The following CTNNA3 variants were observed in gnomAD, a reference collection of about 807,000 sequenced individuals.
The protein encoded by CTNNA3 is catenin alpha 3.
Under a neutral mutation model 95.7 loss-of-function variants are expected in CTNNA3, and 76 were observed. The ratio of observed to expected loss-of-function variants is 0.79; its 90% CI spans 0.66 to 0.96. The LOEUF (loss-of-function observed/expected upper bound fraction) is 0.96, where lower values mean the gene tolerates loss of function less well. Ranked by LOEUF, CTNNA3 falls within the 40% of genes least tolerant of loss-of-function variation. CTNNA3 has a pLI of 0.00. For synonymous variants in CTNNA3, 431 were observed against 374.4 expected (o/e 1.15, Z -1.74); for missense variants, 1,191 against 1,089.8 (o/e 1.09, Z -1.31).
chr10:66,843,903 G>A (rs766365165), intron 7 of CTNNA3, among the ~76,000 whole-genome samples: 2 of 152,094 alleles, frequency 1.3e-5, no homozygotes, highest in Non-Finnish European at 2.9e-5. Flanking sequence ...ATTCACTAAC[G>A]GAAGATGAAG....
chr10:67,580,032 C>T (rs997042412), intron 3 of CTNNA3, among the ~76,000 whole-genome samples: 21 of 152,158 alleles, frequency 1.4e-4, no homozygotes, highest in East Asian at 1.2e-3. Context: ...GTAGTTTCTT[C>T]TGCTGTGCGG....
intron 5 of CTNNA3, among the ~76,000 whole-genome samples, chr10:67,360,416 G>GAAAAAA (rs74859730): frequency 4.0e-5 from 4 of 99,294 alleles, no homozygotes; most frequent in Non-Finnish European, 4.2e-5. Flanking sequence ...GAGCAAGCAG[G>GAAAAAA]AAAAAAAAAA....
chr10:66,050,414 A>T (rs192833070), intron 15 of CTNNA3, among the ~76,000 whole-genome samples: 14 of 145,380 alleles, frequency 9.6e-5, no homozygotes, highest in Admixed American at 2.8e-4. Context: ...AATACTTGAC[A>T]TCCTCATGCA....
intron 7 of CTNNA3, among the ~76,000 whole-genome samples, chr10:66,813,269 T>G (rs1841950895): frequency 2.6e-5 from 4 of 152,210 alleles, no homozygotes; most frequent in Admixed American, 2.6e-4. Context: ...TTTTATCCTG[T>G]CAGCTGCGTC....
intron 7 of CTNNA3, among the ~76,000 whole-genome samples, chr10:66,883,556 C>T (rs1031494152): frequency 1.3e-5 from 2 of 152,116 alleles, no homozygotes; most frequent in Non-Finnish European, 2.9e-5. Context: ...ACATGTATGA[C>T]CTCTGCTCTG....
chr10:67,515,425 AACAACT>A (rs754661203), intron 5 of CTNNA3, among the ~76,000 whole-genome samples: 138 of 152,336 alleles, frequency 9.1e-4, no homozygotes, highest in Non-Finnish European at 1.8e-3. Flanking sequence ...CTTTGGGACA[AACAACT>A]ATGTACAATT....
chr10:67,036,540 TA>T (rs1182115216), intron 7 of CTNNA3, among the ~76,000 whole-genome samples: 1 of 151,996 alleles, frequency 6.6e-6, no homozygotes, highest in Non-Finnish European at 1.5e-5. Flanking sequence ...GGCAGCTTTT[TA>T]AAAAAATTTT....
At chr10:66,646,858 T>C (rs1845724077) in intron 9 of CTNNA3, among the ~76,000 whole-genome samples, 1 of 152,110 alleles carries the variant, frequency 6.6e-6, no homozygotes. Flanking sequence ...CTGAACAAAA[T>C]TACCTTGTAA....
chr10:67,462,292 G>A (rs1260126292), intron 5 of CTNNA3, among the ~76,000 whole-genome samples: 2 of 152,272 alleles, frequency 1.3e-5, no homozygotes, highest in Non-Finnish European at 2.9e-5. Flanking sequence ...GATGCTGTAA[G>A]TCAGCACCTT....
At chr10:67,064,192 T>C (rs531811796) in intron 7 of CTNNA3, among the ~76,000 whole-genome samples, 1 of 152,294 alleles carries the variant, frequency 6.6e-6, no homozygotes, top group East Asian at 1.9e-4. Flanking sequence ...ATTAGAACAT[T>C]TGAATTGTTA....
intron 9 of CTNNA3, among the ~76,000 whole-genome samples, chr10:66,648,949 G>A (rs577275808): frequency 6.6e-6 from 1 of 152,254 alleles, no homozygotes; most frequent in South Asian, 2.1e-4. Context: ...CTTGTTCTGG[G>A]AGGGTGTGTA....
At chr10:66,337,709 T>C (rs1214995983) in intron 12 of CTNNA3, among the ~76,000 whole-genome samples, 1 of 152,108 alleles carries the variant, frequency 6.6e-6, no homozygotes, top group Non-Finnish European at 1.5e-5. Context: ...TGTCATTTCA[T>C]AGCCACTAAG....
intron 9 of CTNNA3, among the ~76,000 whole-genome samples, chr10:66,650,756 G>T (rs545094031): frequency 6.6e-6 from 1 of 151,304 alleles, no homozygotes; most frequent in Non-Finnish European, 1.5e-5. Flanking sequence ...CCTTCCTCCC[G>T]TCCAGAGTTG....
chr10:66,712,428 G>T (rs1173239644), intron 9 of CTNNA3, among the ~76,000 whole-genome samples: 1 of 152,052 alleles, frequency 6.6e-6, no homozygotes, highest in African/African-American at 2.4e-5. Context: ...CAAATCAGCT[G>T]GTTCTGATAT....
intron 5 of CTNNA3, among the ~76,000 whole-genome samples, chr10:67,332,093 A>G (rs1175379350): frequency 6.6e-6 from 1 of 152,224 alleles, no homozygotes; most frequent in Non-Finnish European, 1.5e-5. Context: ...TTAAGTCTAG[A>G]AAAATAAAAG....
chr10:67,624,681 T>C (rs568121598), intron 2 of CTNNA3, among the ~76,000 whole-genome samples: 7 of 152,276 alleles, frequency 4.6e-5, no homozygotes, highest in Admixed American at 3.9e-4. Flanking sequence ...CCAAAACTGC[T>C]CTGCTCCTCT....
At chr10:67,350,565 TAAA>T (rs11338454) in intron 5 of CTNNA3, among the ~76,000 whole-genome samples, 4 of 125,078 alleles carry the variant, frequency 3.2e-5, no homozygotes, top group Non-Finnish European at 3.4e-5. Flanking sequence ...AAATGGTTAG[TAAA>T]AAAAAAAAAA....
chr10:67,014,903 T>C (rs1453375573), intron 7 of CTNNA3, among the ~76,000 whole-genome samples: 2 of 152,082 alleles, frequency 1.3e-5, no homozygotes, highest in Admixed American at 6.6e-5. Flanking sequence ...TGAAATCAAA[T>C]TATATATGCA....
At chr10:66,747,784 G>T (rs1049789968) in intron 9 of CTNNA3, among the ~76,000 whole-genome samples, 1 of 152,264 alleles carries the variant, frequency 6.6e-6, no homozygotes, top group African/African-American at 2.4e-5. Flanking sequence ...AGGAAGGAAG[G>T]TATCCTAGAA....
Sources: allele counts gnomAD v4.1 joint callset (sites outside exome capture counted in the v4.1 genomes callset), GRCh38; gene constraint gnomAD v4.1.1; transcripts MANE v1.5; gene names NCBI Gene and HGNC (gene_info 2026-07-23, HGNC 2026-07-21).